The following METTL16 variants were observed in gnomAD, a reference collection of about 807,000 sequenced individuals.
METTL16 encodes the protein methyltransferase 16, RNA N6-adenosine, also known as RNA N(6)-adenosine-methyltransferase METTL16.
METTL16 carries 19 observed loss-of-function variants against 57.9 expected under a neutral mutation model. That is an observed-to-expected ratio of 0.33 (90% CI 0.23 to 0.48). The LOEUF is 0.48. Among genes scored for constraint, METTL16 ranks in the 20% least tolerant of loss-of-function variants. The pLI is 0.99. For synonymous variants in METTL16, 246 were observed against 255.6 expected, an observed-to-expected ratio of 0.96 and a Z score of 0.36; for missense variants, 434 against 691.5, an observed-to-expected ratio of 0.63 and a Z score of 4.18.
In METTL16 at chr17:2,438,118, G is replaced by C. The variant is rs1191601648; in HGVS notation, c.879C>G (p.Val293=). ...WALAWSFYDD[V]TVPSPPSKRR... is the part of the protein sequence containing the mutation. Reference sequence around the variant, plus strand: ...CAAGGTCTGTACTTACTGGTACTGTGACATCATCATAAAAACTCCAAGCTA... The same window carrying C: ...CAAGGTCTGTACTTACTGGTACTGTCACATCATCATAAAAACTCCAAGCTA... The change falls in exon 8 of 10, where the codon GTC becomes GTG. Residue 293 remains valine (V), a synonymous_variant. Coordinates refer to ENST00000263092, the MANE Select transcript of METTL16 (RefSeq NM_024086.4). The C allele has an allele frequency of 1.2e-6, 2 of 1,612,032 alleles. No homozygotes were observed. Among genetic ancestry groups the C allele is most frequent in the Admixed American group, 3.3e-5 (2 of 59,978 alleles).
At chr17:2,488,429 C>T (rs903958332) in intron 2 of METTL16, among the ~76,000 whole-genome samples, 8 of 151,980 alleles carry the variant, frequency 5.3e-5, no homozygotes, top group South Asian at 2.1e-4. Flanking sequence ...TGGTGGTGGG[C>T]GCTTATGATC....
chr17:2,435,495 G>C (rs1011772787), intron 8 of METTL16, among the ~76,000 whole-genome samples: 1 of 152,146 alleles, frequency 6.6e-6, no homozygotes, highest in Non-Finnish European at 1.5e-5. Context: ...TAAAAACCTC[G>C]TGAGTACCCT....
chr17:2,489,325 A>G (rs777497559), intron 2 of METTL16, among the ~76,000 whole-genome samples: 3 of 152,006 alleles, frequency 2.0e-5, no homozygotes, highest in Non-Finnish European at 4.4e-5. Flanking sequence ...CTAGTCATCC[A>G]AACACCTCTT....
chr17:2,446,871 G>C (rs1031225659), intron 6 of METTL16, among the ~76,000 whole-genome samples: 1 of 151,812 alleles, frequency 6.6e-6, no homozygotes, highest in Non-Finnish European at 1.5e-5. Flanking sequence ...ATGGAGTCTC[G>C]TTCACTCAGT....
At chr17:2,484,098 A>G (rs909905005) in intron 2 of METTL16, among the ~76,000 whole-genome samples, 2 of 152,224 alleles carry the variant, frequency 1.3e-5, no homozygotes, top group Non-Finnish European at 2.9e-5. Context: ...AAAAATCTCT[A>G]TTAAAGAAAC....
chr17:2,499,447 G>A (rs1390978175), intron 2 of METTL16, among the ~76,000 whole-genome samples: 2 of 149,950 alleles, frequency 1.3e-5, no homozygotes, highest in African/African-American at 4.9e-5. Context: ...GACTACAGAT[G>A]CACAGTGTTG....
At chr17:2,445,202 T>C (rs1453663708) in intron 6 of METTL16, among the ~76,000 whole-genome samples, 1 of 152,176 alleles carries the variant, frequency 6.6e-6, no homozygotes, top group Non-Finnish European at 1.5e-5. Flanking sequence ...TATGTTTACA[T>C]ACACAAAACT....
intron 5 of METTL16, 22 bp from the exon 6 acceptor site, chr17:2,464,372 T>G (rs2067174733): frequency 6.3e-7 from 1 of 1,580,754 alleles, no homozygotes; most frequent in South Asian, 1.2e-5. Context: ...CAAAAAACCC[T>G]GGTGAAAAAT....
At chr17:2,452,584 T>C (rs1260921288) in intron 6 of METTL16, among the ~76,000 whole-genome samples, 1 of 152,238 alleles carries the variant, frequency 6.6e-6, no homozygotes, top group Non-Finnish European at 1.5e-5. Flanking sequence ...AGCACTCTAC[T>C]TATTACAACA....
At chr17:2,486,130 T>C (rs1375500029) in intron 2 of METTL16, among the ~76,000 whole-genome samples, 1 of 152,142 alleles carries the variant, frequency 6.6e-6, no homozygotes, top group Non-Finnish European at 1.5e-5. Flanking sequence ...TAAGCGTATA[T>C]AGTTCAAGGT....
intron 8 of METTL16, among the ~76,000 whole-genome samples, chr17:2,434,830 G>A (rs552363670): frequency 2.1e-4 from 32 of 152,328 alleles, no homozygotes; most frequent in Non-Finnish European, 3.8e-4. Context: ...CAGGCTTAAA[G>A]GTAATGTCTT....
intron 8 of METTL16, among the ~76,000 whole-genome samples, chr17:2,422,655 C>A (rs1369280542): frequency 6.6e-6 from 1 of 151,194 alleles, no homozygotes; most frequent in East Asian, 2.0e-4. Context: ...CAAGTGTGAG[C>A]CACCGTGTCC....
intron 6 of METTL16, among the ~76,000 whole-genome samples, chr17:2,459,066 A>G (rs2067130665): frequency 6.6e-6 from 1 of 152,148 alleles, no homozygotes; most frequent in Non-Finnish European, 1.5e-5. Context: ...TCAGCCTCCC[A>G]AAGTGTTGGG....
intron 6 of METTL16, among the ~76,000 whole-genome samples, chr17:2,463,561 A>G (rs1003187678): frequency 1.3e-5 from 2 of 152,004 alleles, no homozygotes; most frequent in African/African-American, 4.8e-5. Flanking sequence ...TCCTGGGTTC[A>G]AGCGATTCTC....
At chr17:2,485,230 T>C (rs1223409671) in intron 2 of METTL16, among the ~76,000 whole-genome samples, 2 of 152,180 alleles carry the variant, frequency 1.3e-5, no homozygotes, top group Non-Finnish European at 2.9e-5. Flanking sequence ...TCCTTGAGGA[T>C]CTAAAGCCTG....
chr17:2,454,496 C>A (rs2067094157), intron 6 of METTL16, among the ~76,000 whole-genome samples: 2 of 151,638 alleles, frequency 1.3e-5, no homozygotes, highest in African/African-American at 2.4e-5. Context: ...AAACTTTTAT[C>A]CTATGCTCTT....
rs116538446 is a variant in METTL16, at chr17:2,474,984, G to C, written c.329-1320C>G. ...ATCCTAAAGAGTATTATCAAGAGAA[G>C]AGTGTTTCTCCCAAAAGCCTAAAGC... On this transcript the variant is annotated intron_variant, in intron 3 of 9. Coordinates refer to ENST00000263092, the MANE Select transcript of METTL16 (RefSeq NM_024086.4). Among the ~76,000 whole-genome samples, 1,351 of 152,256 alleles carry C rather than the reference G, an allele frequency of 8.9e-3. 20 individuals carry two copies. Among genetic ancestry groups the C allele is most frequent in the African/African-American group, 0.031 (1,294 of 41,554 alleles).
intron 5 of METTL16, among the ~76,000 whole-genome samples, chr17:2,467,160 A>G (rs2067204962): frequency 6.6e-6 from 1 of 152,088 alleles, no homozygotes; most frequent in African/African-American, 2.4e-5. Context: ...CCACAGGTGT[A>G]GGACCTGTGG....
At chr17:2,490,609 G>A (rs980518268) in intron 2 of METTL16, among the ~76,000 whole-genome samples, 2 of 152,172 alleles carry the variant, frequency 1.3e-5, no homozygotes, top group African/African-American at 2.4e-5. Flanking sequence ...GGTCTATAAT[G>A]TCTGTATAGT....
Sources: gnomAD v4.1 joint callset for allele counts (sites outside exome capture counted in the v4.1 genomes callset) on GRCh38, gnomAD v4.1.1 for gene constraint, MANE v1.5 for transcripts, NCBI Gene and HGNC (gene_info 2026-07-23, HGNC 2026-07-21) for gene names.